The following HEATR4 variants were observed in gnomAD, a reference collection of about 807,000 sequenced individuals.
HEATR4 encodes the protein HEAT repeat-containing protein 4.
In HEATR4, 95 loss-of-function variants were observed where a neutral mutation model predicts 108.8. That is an observed-to-expected ratio of 0.87 (90% confidence interval 0.74 to 1.04). The LOEUF is 1.04. Among genes scored for constraint, HEATR4 ranks in the 50% least tolerant of loss-of-function variants. HEATR4 has a pLI of 0.00. For synonymous variants in HEATR4, 443 were observed against 459.4 expected (o/e 0.96, Z 0.46); for missense variants, 1,152 against 1,253.8 (o/e 0.92, Z 1.23).
At chr14:73,509,242 G>T in intron 8 of HEATR4, 70 bp downstream of exon 8, 1 of 1,440,546 alleles carries the variant, frequency 6.9e-7, no homozygotes, top group South Asian at 1.2e-5. Context: ...GGAGAGGAAA[G>T]GACTGGGAAA....
the HEATR4 span, among the ~76,000 whole-genome samples, chr14:73,590,676 C>T: frequency 6.6e-6 from 1 of 152,130 alleles, no homozygotes; most frequent in African/African-American, 2.4e-5. Flanking sequence ...GCTGCTGCCC[C>T]AGGTGCTAAG....
At chr14:73,490,943 G>A (rs1885665292) in intron 17 of HEATR4, 1 of 1,278,760 alleles carries the variant, frequency 7.8e-7, no homozygotes, top group Non-Finnish European at 9.9e-7. Context: ...AGAGTGCACC[G>A]CAGCCGCTGC....
At chr14:73,529,388 C>T (rs1291890809) in intron 2 of HEATR4, among the ~76,000 whole-genome samples, 2 of 147,972 alleles carry the variant, frequency 1.4e-5, no homozygotes, top group Non-Finnish European at 3.0e-5. Flanking sequence ...TTAAGTCAAT[C>T]CTGGCATAAC....
chr14:73,610,060 ATAGG>A, the HEATR4 span, among the ~76,000 whole-genome samples: 8 of 151,780 alleles, frequency 5.3e-5, no homozygotes, highest in Non-Finnish European at 1.0e-4. Context: ...TGGTGGAGAC[ATAGG>A]TAGAGGATCT....
chr14:73,615,435 G>GA, the HEATR4 span, among the ~76,000 whole-genome samples: 55 of 88,692 alleles, frequency 6.2e-4, no homozygotes, highest in East Asian at 1.4e-3. Flanking sequence ...CAGCAACAAC[G>GA]AAAAAAAAAA....
chr14:73,604,634 C>T, the HEATR4 span, among the ~76,000 whole-genome samples: 3 of 152,046 alleles, frequency 2.0e-5, no homozygotes, highest in African/African-American at 7.2e-5. Flanking sequence ...TACAGGCATG[C>T]GCCACCACAC....
the HEATR4 span, among the ~76,000 whole-genome samples, chr14:73,588,950 C>CA: frequency 2.0e-5 from 3 of 151,960 alleles, no homozygotes; most frequent in African/African-American, 7.3e-5. Flanking sequence ...AGGTTCATAG[C>CA]AAAATTGAGC....
intron 17 of HEATR4, chr14:73,491,050 G>A (rs1224291218): frequency 1.3e-6 from 2 of 1,589,348 alleles, no homozygotes; most frequent in Non-Finnish European, 1.7e-6. Context: ...CAGGGCCGTT[G>A]AGGCGCGGGC....
In HEATR4 at chr14:73,502,366, C is replaced by G. The variant is rs182785444; in HGVS notation, c.2105+529G>C. ...ATTTTGCATGTGGTCATCAGAATTG[C>G]GTCATACTTTTGAACACCCTCCAGC... On this transcript the variant is annotated intron_variant, in intron 11 of 17. Transcript: ENST00000553558. 1.2e-3 allele frequency among the ~76,000 whole-genome samples: 179 copies of G among 152,212 alleles called. 1 individual carries two copies. Among genetic ancestry groups the G allele is most frequent in the African/African-American group, 3.9e-3 (164 of 41,524 alleles).
At chr14:73,517,111 T>G (rs1355952537) in intron 5 of HEATR4, 1 of 152,158 alleles carries the variant, frequency 6.6e-6, no homozygotes, top group Non-Finnish European at 1.5e-5. Flanking sequence ...TGAGACCCTA[T>G]CTCTAAAAAA....
rs200600929 is a variant in HEATR4, at chr14:73,492,924, T to C, written c.2844+142A>G. ...GATAAGGGGCTGCTGCTCACTAAGA[T>C]GCCTCTAGCCCTAAATTAGTTTCTT... is the stretch of plus-strand genomic sequence containing the variant. On this transcript the variant is annotated intron_variant, in intron 17 of 17. Coordinates refer to ENST00000553558, the MANE Select transcript of HEATR4 (RefSeq NM_001220484.1). This position sits in a 1 kb window ranked among gnomAD's most constrained non-coding sequence, Gnocchi z 4.9. 578 of 1,613,268 alleles carry C rather than the reference T, an allele frequency of 3.6e-4. No individual in the cohort carries two copies. Among genetic ancestry groups the C allele is most frequent in the Non-Finnish European group, 4.7e-4 (558 of 1,179,758 alleles).
chr14:73,605,602 A>G, the HEATR4 span, among the ~76,000 whole-genome samples: 1 of 106,248 alleles, frequency 9.4e-6, no homozygotes, highest in Non-Finnish European at 1.7e-5. Context: ...ATGTAGTCTC[A>G]CTCTGTTGCC....
the HEATR4 span, among the ~76,000 whole-genome samples, chr14:73,630,366 A>G: frequency 1.3e-5 from 2 of 152,344 alleles, no homozygotes; most frequent in South Asian, 4.1e-4. Flanking sequence ...GTTTCTTTGC[A>G]GTCAACTTCT....
rs1450079005 is a variant in HEATR4 at position 73,536,112 on chromosome 14, G to A, written c.-151-5868C>T. Among the ~76,000 whole-genome samples the A allele has an allele frequency of 1.7e-5, 2 of 114,926 alleles. 1 individual carries two copies. The highest frequency in any genetic ancestry group is 2.0e-4 in the Admixed American group (2 of 10,132). The allele number at this position is 114,926 out of a possible 152,430, so 75.4% of individuals were successfully genotyped here. ...CAGGGAGTTGTATGATAATGACATG[G>A]GACATGGGACATGAGAGCATTTGGA... is the stretch of plus-strand genomic sequence containing the variant. On this transcript the variant is annotated intron_variant, in intron 1 of 17. Transcript: ENST00000553558.
At chr14:73,510,296 T>G (rs1475224333) in intron 7 of HEATR4, among the ~76,000 whole-genome samples, 1 of 152,108 alleles carries the variant, frequency 6.6e-6, no homozygotes, top group Non-Finnish European at 1.5e-5. Flanking sequence ...TAGGGAGTCT[T>G]TTTTGGTTCA....
rs892390212 is a variant in HEATR4, at chr14:73,491,001, A to G, written c.2844+2065T>C. 9 of 1,380,272 alleles carry G rather than the reference A, an allele frequency of 6.5e-6. No individual in the cohort carries two copies. The African/African-American group carries it at 1.2e-4, about 18-fold the overall frequency. The allele number at this position is 1,380,272 out of a possible 1,614,324, so 85.5% of individuals were successfully genotyped here. ...GCCCCCGGCCGGCCGGGCGGGGAAG[A>G]CTGGTGTGGTCTGGCCATGGATGGG... On this transcript the variant is annotated intron_variant, in intron 17 of 17. Transcript: ENST00000553558.
the HEATR4 span, among the ~76,000 whole-genome samples, chr14:73,606,313 G>C: frequency 8.2e-4 from 124 of 151,792 alleles, no homozygotes; most frequent in African/African-American, 2.8e-3. Context: ...CCGAGATCCT[G>C]CCATTGCACT....
At chr14:73,629,986 C>T in the HEATR4 span, among the ~76,000 whole-genome samples, 4 of 150,384 alleles carry the variant, frequency 2.7e-5, no homozygotes, top group Non-Finnish European at 5.9e-5. Flanking sequence ...TTGGCTCCAC[C>T]GCATTCCAGC....
chr14:73,478,919 C>T, intron 17 of HEATR4, 77 bp from the exon 18 acceptor site: 1 of 1,083,966 alleles, frequency 9.2e-7, no homozygotes, highest in Non-Finnish European at 1.3e-6. Context: ...GTGAAGGCCT[C>T]TTTGGCTATA....
Sources: gnomAD v4.1 joint callset for allele counts (sites outside exome capture counted in the v4.1 genomes callset) on GRCh38, gnomAD v4.1.1 for gene constraint, Gnocchi (gnomAD v3.1) non-coding constraint, MANE v1.5 for transcripts, NCBI Gene and HGNC (gene_info 2026-07-23, HGNC 2026-07-21) for gene names.